Variants in NANOS3 observed in about 807,000 individuals in gnomAD.
NANOS3 encodes nanos C2HC-type zinc finger 3.
In NANOS3, 11 loss-of-function variants were observed where a neutral mutation model predicts 13.8. The ratio of observed to expected loss-of-function variants is 0.80; its 90% CI spans 0.50 to 1.32. The LOEUF is 1.32. Ranked by LOEUF, NANOS3 falls within the 40% of genes most tolerant of loss-of-function variation. The probability of loss-of-function intolerance (pLI) is 0.00; values close to 1 mark genes in which losing one functional copy is unlikely to be tolerated. For synonymous variants in NANOS3, 119 were observed against 115.4 expected, an observed-to-expected ratio of 1.03 and a Z score of -0.20; for missense variants, 221 against 263.8, an observed-to-expected ratio of 0.84 and a Z score of 1.12.
At chr19:13,873,158 A>G (rs1968429773), upstream of NANOS3, among the ~76,000 whole-genome samples, 1 of 150,302 alleles carries the variant, frequency 6.7e-6, no homozygotes, top group Admixed American at 6.6e-5. Flanking sequence ...GTGGGAGTCT[A>G]TATGGGCGGG....
chr19:13,864,827 G>A (rs1021046392), upstream of NANOS3, among the ~76,000 whole-genome samples: 2 of 152,108 alleles, frequency 1.3e-5, no homozygotes, highest in Non-Finnish European at 2.9e-5. Context: ...GTGTCCCTCT[G>A]TGTGTAGCTG....
chr19:13,872,929 AG>A (rs1036808684), upstream of NANOS3, among the ~76,000 whole-genome samples: 7 of 130,258 alleles, frequency 5.4e-5, no homozygotes, highest in Non-Finnish European at 1.1e-4. Context: ...GGGCTTCGGG[AG>A]GGCGAGTTAG....
chr19:13,866,154 C>G (rs1050097271), intron 1 of NANOS3, among the ~76,000 whole-genome samples: 1 of 152,128 alleles, frequency 6.6e-6, no homozygotes, highest in African/African-American at 2.4e-5. Flanking sequence ...AACAGGAACC[C>G]GCCCTCCAAA....
chr19:13,863,604 C>G (rs939772629), upstream of NANOS3, among the ~76,000 whole-genome samples: 1 of 152,110 alleles, frequency 6.6e-6, no homozygotes, highest in Admixed American at 6.6e-5. Context: ...CTGGCCCCCC[C>G]CAACCCCATG....
At chr19:13,866,177 A>G (rs1436483165) in intron 1 of NANOS3, among the ~76,000 whole-genome samples, 1 of 152,128 alleles carries the variant, frequency 6.6e-6, no homozygotes, top group African/African-American at 2.4e-5. Flanking sequence ...TGGCCATAAA[A>G]AGGGAAAATG....
At chr19:13,872,489 G>A (rs1382195454), upstream of NANOS3, among the ~76,000 whole-genome samples, 1 of 152,176 alleles carries the variant, frequency 6.6e-6, no homozygotes, top group East Asian at 1.9e-4. Flanking sequence ...GAGGAATCTT[G>A]AGAGTTCTGG....
upstream of NANOS3, among the ~76,000 whole-genome samples, chr19:13,864,864 C>G (rs1976207817): frequency 6.6e-6 from 1 of 152,108 alleles, no homozygotes; most frequent in Admixed American, 6.5e-5. Flanking sequence ...TCGTGCGGCC[C>G]GGCACGCCCG....
chr19:13,864,141 G>T (rs1976196570), upstream of NANOS3, among the ~76,000 whole-genome samples: 1 of 152,056 alleles, frequency 6.6e-6, no homozygotes, highest in South Asian at 2.1e-4. Flanking sequence ...GCGGGCAGGG[G>T]CAGTGTGTGG....
At chr19:13,874,683 C>T (rs760575778), upstream of NANOS3, 1 of 527,838 alleles carries the variant, frequency 1.9e-6, no homozygotes, top group East Asian at 5.5e-5. Context: ...CCTACCCCAC[C>T]CCCGACTCCA....
intron 1 of NANOS3, 25 bp from the exon 2 acceptor site, chr19:13,880,417 A>G (rs757750801): frequency 5.6e-6 from 9 of 1,611,308 alleles, no homozygotes; most frequent in Non-Finnish European, 7.6e-6. Context: ...GTGATTAAGC[A>G]TTTCTCTCCC....
At chr19:13,862,783 C>T (rs1039378370), upstream of NANOS3, among the ~76,000 whole-genome samples, 13 of 152,108 alleles carry the variant, frequency 8.5e-5, no homozygotes, top group Non-Finnish European at 1.6e-4. Context: ...GTGATCCGCC[C>T]GCCTCGGCCT....
At position 13,877,442 on chromosome 19, in the gene NANOS3, G is replaced by A. The variant is rs764922882; in HGVS notation, c.194G>A (p.Arg65His). 20 of 1,611,794 alleles carry A rather than the reference G, an allele frequency of 1.2e-5. No individual in the cohort carries two copies. Among genetic ancestry groups the A allele is most frequent in the East Asian group, 2.2e-5 (1 of 44,888 alleles). The change falls in exon 1 of 2, where the codon CGC becomes CAC. Residue 65 changes from arginine to histidine, a missense_variant. Coordinates refer to ENST00000339133, the MANE Select transcript of NANOS3 (RefSeq NM_001098622.3). ...GTGCCGGGACCCAAGGATCAGAAGC[G>A]CAGCCTGGAGTCCTCGCCAGCTCCC... ...VPVPGPKDQK[R>H]SLESSPAPER...
At chr19:13,872,748 C>G (rs1464000867), upstream of NANOS3, among the ~76,000 whole-genome samples, 16 of 152,318 alleles carry the variant, frequency 1.1e-4, no homozygotes, top group East Asian at 2.5e-3. Context: ...ATCAGGCCCC[C>G]CCACTCCACA....
intron 1 of NANOS3, among the ~76,000 whole-genome samples, chr19:13,877,970 G>A (rs1374466561): frequency 2.7e-5 from 4 of 149,558 alleles, no homozygotes; most frequent in Non-Finnish European, 5.9e-5. Context: ...GTGCAGTGGC[G>A]CCATCTCGGC....
chr19:13,872,301 C>T (rs1420113521), upstream of NANOS3, among the ~76,000 whole-genome samples: 6 of 149,662 alleles, frequency 4.0e-5, no homozygotes, highest in Non-Finnish European at 5.9e-5. Flanking sequence ...GCAGAGATCG[C>T]GCCACTGCAC....
Position 13,878,640 on chromosome 19 carries a change from C to T in NANOS3, c.517+875C>T, listed in dbSNP as rs377388552. ...AATTTTTTTTTTTGAGATAGAGTCTCGCTCTATCCACCCAGGCTGGATGGA... is the reference window on the plus strand; with the variant it reads ...AATTTTTTTTTTTGAGATAGAGTCTTGCTCTATCCACCCAGGCTGGATGGA... On this transcript the variant is annotated intron_variant, in intron 1 of 1. Coordinates refer to ENST00000339133, the MANE Select transcript of NANOS3 (RefSeq NM_001098622.3). Among the ~76,000 whole-genome samples the T allele has an allele frequency of 3.8e-4, 55 of 145,586 alleles. 1 individual carries two copies. Among genetic ancestry groups the T allele is most frequent in the African/African-American group, 1.2e-3 (46 of 39,128 alleles).
intron 1 of NANOS3, among the ~76,000 whole-genome samples, chr19:13,868,327 G>A (rs1385038361): frequency 6.6e-6 from 1 of 151,874 alleles, no homozygotes; most frequent in Non-Finnish European, 1.5e-5. Flanking sequence ...CCAAAGTGCC[G>A]AGATTACAGG....
At chr19:13,878,277 C>T (rs1247113277) in intron 1 of NANOS3, among the ~76,000 whole-genome samples, 5 of 146,830 alleles carry the variant, frequency 3.4e-5, no homozygotes, top group East Asian at 2.1e-4. Flanking sequence ...CTCTTTCTGT[C>T]ACCCAGGCTG....
chr19:13,865,707 C>T (rs1367714176), intron 1 of NANOS3, among the ~76,000 whole-genome samples: 1 of 150,840 alleles, frequency 6.6e-6, no homozygotes, highest in African/African-American at 2.4e-5. Flanking sequence ...GGGACAGACC[C>T]CCGAGTCCCG....
Sources: gnomAD v4.1 joint callset for allele counts (sites outside exome capture counted in the v4.1 genomes callset) on GRCh38, gnomAD v4.1.1 for gene constraint, MANE v1.5 for transcripts, NCBI Gene and HGNC (gene_info 2026-07-23, HGNC 2026-07-21) for gene names.